Variants in LAMA2 observed in about 807,000 individuals in gnomAD.
LAMA2 encodes the protein laminin subunit alpha-2.
Under a neutral mutation model 364.8 loss-of-function variants are expected in LAMA2, and 269 were observed. That is an observed-to-expected ratio of 0.74 (90% CI 0.67 to 0.82). The LOEUF (loss-of-function observed/expected upper bound fraction) is 0.82. LAMA2 is among the 40% of genes least tolerant of loss of function. The probability of loss-of-function intolerance (pLI) is 0.00; values close to 1 mark genes in which losing one functional copy is unlikely to be tolerated. For synonymous variants in LAMA2, 1,379 were observed against 1,370.6 expected (o/e 1.01, Z -0.14); for missense variants, 3,807 against 3,873.2 (o/e 0.98, Z 0.45).
chr6:129,456,917 A>G (rs1466595275), intron 48 of LAMA2, among the ~76,000 whole-genome samples: 10 of 152,204 alleles, frequency 6.6e-5, no homozygotes, highest in Non-Finnish European at 1.5e-4. Flanking sequence ...ATAAGCTTTC[A>G]AAACATGATC....
chr6:129,311,405 G>T (rs1050895701), intron 22 of LAMA2, among the ~76,000 whole-genome samples: 58 of 152,300 alleles, frequency 3.8e-4, no homozygotes, highest in African/African-American at 1.4e-3. Context: ...ACAGGCATGA[G>T]CCACCGCGCC....
At chr6:128,918,903 T>C (rs1040217701) in intron 1 of LAMA2, among the ~76,000 whole-genome samples, 1 of 152,174 alleles carries the variant, frequency 6.6e-6, no homozygotes, top group Non-Finnish European at 1.5e-5. Flanking sequence ...TGTCACGGTG[T>C]CAGGATTGGG....
Position 129,507,501 on chromosome 6 carries a change from A to G in LAMA2, c.8716A>G (p.Ile2906Val), listed in dbSNP as rs1312613062. The change falls in exon 62 of 65, where the codon ATT becomes GTT. Residue 2906 changes from isoleucine to valine, a missense_variant. Ile to Val is a conservative substitution (Grantham distance 29). Around this residue, in one of 3 missense-constraint regions of LAMA2, gnomAD observed 3,333 missense variants for 3,345.7 expected, o/e 1.00. Transcript: ENST00000421865. The stretch of plus-strand genomic sequence containing the variant: ...TCTGAATGTTTAGGTGACCTATAGC[A>G]TTGATGGCTGCGTCAGGAATCTCCA... ...TRRIGPVTYS[I>V]DGCVRNLHMA... 3 of 1,614,090 alleles carry G rather than the reference A, an allele frequency of 1.9e-6. No individual in the cohort carries two copies. Among genetic ancestry groups the G allele is most frequent in the Non-Finnish European group, 2.5e-6 (3 of 1,180,022 alleles).
intron 4 of LAMA2, among the ~76,000 whole-genome samples, chr6:129,102,160 G>T (rs1311620220): frequency 7.5e-6 from 1 of 133,020 alleles, no homozygotes; most frequent in Middle Eastern, 4.5e-3. Context: ...ACCGAGTCTC[G>T]CTCTGTCACC....
chr6:129,370,704 G>C (rs887684872), intron 34 of LAMA2, among the ~76,000 whole-genome samples: 5 of 152,188 alleles, frequency 3.3e-5, no homozygotes, highest in African/African-American at 9.7e-5. Flanking sequence ...GAGCTAGAAG[G>C]TTCCTGGGGA....
At chr6:129,187,529 G>A (rs1000358435) in intron 10 of LAMA2, among the ~76,000 whole-genome samples, 2 of 151,640 alleles carry the variant, frequency 1.3e-5, no homozygotes, top group African/African-American at 2.4e-5. Flanking sequence ...ATGAACAACC[G>A]CTAATGACTT....
chr6:129,129,412 T>C (rs1777314108), intron 4 of LAMA2, among the ~76,000 whole-genome samples: 1 of 152,250 alleles, frequency 6.6e-6, no homozygotes, highest in Non-Finnish European at 1.5e-5. Context: ...TTGCTGGTAG[T>C]GCACATGTGC....
At chr6:129,457,777 A>T (rs927058531) in intron 48 of LAMA2, among the ~76,000 whole-genome samples, 1 of 152,128 alleles carries the variant, frequency 6.6e-6, no homozygotes, top group African/African-American at 2.4e-5. Flanking sequence ...CAATTCTTGA[A>T]GCTAAGAAGT....
chr6:129,487,942 CAT>C (rs1234526311), intron 56 of LAMA2, among the ~76,000 whole-genome samples: 4 of 152,178 alleles, frequency 2.6e-5, no homozygotes, highest in Non-Finnish European at 5.9e-5. Context: ...CCTGGTTTCA[CAT>C]GTCTTCTAGA....
intron 14 of LAMA2, among the ~76,000 whole-genome samples, chr6:129,257,162 T>C (rs986256914): frequency 3.3e-5 from 5 of 152,036 alleles, no homozygotes; most frequent in African/African-American, 1.2e-4. Context: ...ACATTATGTA[T>C]TTAAATGAAT....
chr6:129,010,806 G>A (rs891343633), intron 1 of LAMA2, among the ~76,000 whole-genome samples: 1 of 152,172 alleles, frequency 6.6e-6, no homozygotes, highest in Non-Finnish European at 1.5e-5. Context: ...TGTTTTGGAG[G>A]TTCTGTAGAG....
At chr6:128,912,941 G>C (rs1042574955) in intron 1 of LAMA2, among the ~76,000 whole-genome samples, 1 of 152,176 alleles carries the variant, frequency 6.6e-6, no homozygotes, top group Non-Finnish European at 1.5e-5. Flanking sequence ...GTGGGCTGTG[G>C]AGCATGGGCG....
At chr6:129,379,686 A>G (rs1394058240) in intron 34 of LAMA2, among the ~76,000 whole-genome samples, 3 of 152,172 alleles carry the variant, frequency 2.0e-5, no homozygotes, top group African/African-American at 7.2e-5. Flanking sequence ...TCCAGTTTGA[A>G]TTACTGTGAG....
At chr6:129,406,282 G>A (rs1464576631) in intron 40 of LAMA2, among the ~76,000 whole-genome samples, 2 of 152,182 alleles carry the variant, frequency 1.3e-5, no homozygotes, top group Non-Finnish European at 2.9e-5. Context: ...ATAAGCAGGA[G>A]AAAGCTAATA....
At chr6:129,359,636 A>C (rs927594441) in intron 32 of LAMA2, among the ~76,000 whole-genome samples, 1 of 152,176 alleles carries the variant, frequency 6.6e-6, no homozygotes, top group East Asian at 1.9e-4. Context: ...TTAATTTAAC[A>C]TACACACATT....
At chr6:129,362,738 G>A (rs1208404631) in intron 32 of LAMA2, among the ~76,000 whole-genome samples, 1 of 152,162 alleles carries the variant, frequency 6.6e-6, no homozygotes, top group African/African-American at 2.4e-5. Context: ...ATGCAGTAGT[G>A]ACTGGCGCAG....
chr6:128,986,722 T>G (rs1301385081), intron 1 of LAMA2, among the ~76,000 whole-genome samples: 1 of 152,110 alleles, frequency 6.6e-6, no homozygotes, highest in African/African-American at 2.4e-5. Context: ...ACAATCAAAT[T>G]ACCTTTTTTT....
At chr6:129,512,515 A>G in intron 63 of LAMA2, 22 bp downstream of exon 63, 1 of 1,612,292 alleles carries the variant, frequency 6.2e-7, no homozygotes, top group Non-Finnish European at 8.5e-7. Flanking sequence ...CAATGCAAAC[A>G]TTTCTGATTT....
chr6:129,480,961 A>C (rs1413779915), intron 54 of LAMA2, among the ~76,000 whole-genome samples: 2 of 130,416 alleles, frequency 1.5e-5, no homozygotes, highest in African/African-American at 3.5e-5. Context: ...GGTTTAAACA[A>C]CAACAACAAA....
Sources: allele counts gnomAD v4.1 joint callset (sites outside exome capture counted in the v4.1 genomes callset), GRCh38; gene constraint gnomAD v4.1.1; regional missense constraint gnomAD v4.1.1; transcripts MANE v1.5; gene names NCBI Gene and HGNC (gene_info 2026-07-23, HGNC 2026-07-21).